IL17RD: variants seen among roughly 807,000 people sequenced by gnomAD.
The protein encoded by IL17RD is interleukin-17 receptor D.
Under a neutral mutation model 80.5 loss-of-function variants are expected in IL17RD, and 52 were observed. That is an observed-to-expected ratio of 0.65 (90% confidence interval 0.52 to 0.81). The LOEUF is 0.81. IL17RD is among the 40% of genes least tolerant of loss of function. IL17RD has a pLI of 0.00. For synonymous variants in IL17RD, 416 were observed against 391.8 expected, an observed-to-expected ratio of 1.06 and a Z score of -0.73; for missense variants, 1,024 against 955.1, an observed-to-expected ratio of 1.07 and a Z score of -0.95.
At chr3:57,140,948 C>T (rs535665237) in intron 1 of IL17RD, among the ~76,000 whole-genome samples, 14 of 151,498 alleles carry the variant, frequency 9.2e-5, no homozygotes, top group African/African-American at 2.9e-4. Flanking sequence ...GGCTGGAGTA[C>T]AGTGGTACAA....
chr3:57,148,324 C>CAAA (rs34343372), intron 1 of IL17RD, among the ~76,000 whole-genome samples: 10 of 104,070 alleles, frequency 9.6e-5, no homozygotes, highest in African/African-American at 3.0e-4. Flanking sequence ...GACTCTATCT[C>CAAA]AAAAAAAAAA....
upstream of IL17RD, among the ~76,000 whole-genome samples, chr3:57,168,326 A>T (rs2060356344): frequency 6.6e-6 from 1 of 152,098 alleles, no homozygotes; most frequent in Admixed American, 6.5e-5. Flanking sequence ...ACACCCACCC[A>T]CTATTGAATT....
intron 1 of IL17RD, among the ~76,000 whole-genome samples, chr3:57,127,199 A>AAT (rs1284226374): frequency 1.6e-4 from 19 of 117,846 alleles, no homozygotes; most frequent in Middle Eastern, 3.8e-3. Context: ...TATATATATA[A>AAT]ATATATATAA....
intron 9 of IL17RD, 64 bp downstream of exon 9, chr3:57,103,025 CAG>C (rs1393371102): frequency 6.3e-6 from 7 of 1,116,596 alleles, no homozygotes; most frequent in Non-Finnish European, 7.9e-6. Context: ...TCATGAAGTA[CAG>C]AGAGTATCAC....
chr3:57,125,423 A>G (rs1255027109), intron 1 of IL17RD, among the ~76,000 whole-genome samples: 3 of 151,970 alleles, frequency 2.0e-5, no homozygotes, highest in Non-Finnish European at 4.4e-5. Flanking sequence ...AAAAAAAAAA[A>G]GTGTTTGAAT....
rs1193340836 is a variant in IL17RD at position 57,114,833 on chromosome 3, A to T, written c.185-16T>A. ...GTGGTACAATCTAGAGAGTAGGGAGAATGAGAACAGTTAAATTTAAAATTT... is the reference window on the plus strand; with the variant it reads ...GTGGTACAATCTAGAGAGTAGGGAGTATGAGAACAGTTAAATTTAAAATTT... On this transcript the variant is annotated splice_polypyrimidine_tract_variant and intron_variant, in intron 2 of 12. Transcript: ENST00000296318. 6.5e-7 allele frequency: 1 copy of T among 1,532,690 alleles called. No individual in the cohort carries two copies. The highest frequency in any genetic ancestry group is 1.2e-5 in the South Asian group (1 of 80,190). The allele number at this position is 1,532,690 out of a possible 1,614,324, so 94.9% of individuals were successfully genotyped here. A position where few individuals can be genotyped will look rare whatever the true frequency, so the allele number is the denominator to read the frequency against.
At chr3:57,111,623 G>C (rs1260743281) in intron 3 of IL17RD, among the ~76,000 whole-genome samples, 1 of 152,088 alleles carries the variant, frequency 6.6e-6, no homozygotes, top group African/African-American at 2.4e-5. Context: ...ACTAGTTAAC[G>C]AAAGCCAAGT....
At chr3:57,149,600 G>C (rs1708014175) in intron 1 of IL17RD, among the ~76,000 whole-genome samples, 1 of 152,212 alleles carries the variant, frequency 6.6e-6, no homozygotes, top group South Asian at 2.1e-4. Flanking sequence ...TTTAAATTAA[G>C]TTTAAGTAAA....
intron 1 of IL17RD, among the ~76,000 whole-genome samples, chr3:57,162,339 T>C (rs779807518): frequency 6.6e-6 from 1 of 152,264 alleles, no homozygotes; most frequent in Non-Finnish European, 1.5e-5. Flanking sequence ...GAAAGCCTCC[T>C]CTGATTTGCA....
chr3:57,162,201 C>T (rs1255818106), intron 1 of IL17RD, among the ~76,000 whole-genome samples: 5 of 152,230 alleles, frequency 3.3e-5, no homozygotes, highest in African/African-American at 1.2e-4. Context: ...GTTCCTGAAA[C>T]AAATGTTGCC....
At chr3:57,103,017 A>G in intron 9 of IL17RD, 74 bp downstream of exon 9, 1 of 1,039,604 alleles carries the variant, frequency 9.6e-7, no homozygotes, top group East Asian at 2.6e-5. Flanking sequence ...TCTGTAAATC[A>G]TGAAGTACAG....
chr3:57,096,433 C>G lies in IL17RD; in HGVS notation c.2180G>C (p.Arg727Pro). 1.2e-6 allele frequency: 2 copies of G among 1,613,914 alleles called. No individual in the cohort carries two copies. The highest frequency in any genetic ancestry group is 1.7e-6 in the Non-Finnish European group (2 of 1,179,810). ...CGCGTGGAGTTCATCAGTGTAGCTG[C>G]GGCAACCAAGATCTGCTTTGCATGA... ...SGSCKADLGC[R>P]SYTDELHAVA... The change falls in exon 13 of 13, where the codon CGC becomes CCC. Residue 727 changes from arginine to proline, a missense_variant. Physicochemically the swap from Arg to Pro is moderately radical, Grantham distance 103. Transcript: ENST00000296318.
intron 1 of IL17RD, among the ~76,000 whole-genome samples, chr3:57,145,166 T>C (rs1707901831): frequency 6.6e-6 from 1 of 152,226 alleles, no homozygotes; most frequent in Non-Finnish European, 1.5e-5. Flanking sequence ...CCTCTGGGAC[T>C]GTCAACACCC....
intron 1 of IL17RD, among the ~76,000 whole-genome samples, chr3:57,160,045 G>C (rs768026813): frequency 5.3e-5 from 8 of 152,170 alleles, no homozygotes; most frequent in Non-Finnish European, 8.8e-5. Context: ...GGTGGTGGAC[G>C]CCTGTAATCC....
chr3:57,096,070 G>GT lies in IL17RD; in HGVS notation c.*322dup. 6.8e-6 allele frequency: 2 copies of GT among 295,620 alleles called. No homozygotes were observed. The highest frequency in any genetic ancestry group is 1.0e-4 in the South Asian group (2 of 19,372). 18.3% of individuals were successfully genotyped at this position (295,620 alleles called of 1,614,324 possible). A position where few individuals can be genotyped will look rare whatever the true frequency, so the allele number is the denominator to read the frequency against. On this transcript the variant is annotated 3_prime_UTR_variant, in exon 13 of 13. Coordinates refer to ENST00000296318, the MANE Select transcript of IL17RD (RefSeq NM_017563.5). ...AATGAAGTCTGAATGATTAGTGCAG[G>GT]TATCTTCCTGTTTTTCTTTACATAT...
At position 57,134,161 on chromosome 3, in the gene IL17RD, G is replaced by A. The variant is rs192991079; in HGVS notation, c.127-13848C>T. 2.4e-4 allele frequency: 155 copies of A among 652,082 alleles called. 2 individuals carry two copies. Among genetic ancestry groups the A allele is most frequent in the Admixed American group, 2.2e-3 (114 of 52,574 alleles). 40.4% of individuals were successfully genotyped at this position (652,082 alleles called of 1,614,324 possible). A position where few individuals can be genotyped will look rare whatever the true frequency, so the allele number is the denominator to read the frequency against. On this transcript the variant is annotated intron_variant, in intron 1 of 12. Transcript: ENST00000296318. Reference sequence around the variant, plus strand: ...ATGAGTATGCTCAGGTTTCAGATGAGGCTCGCCTTTAGTGTCCTCTGCTGT... The same window carrying A: ...ATGAGTATGCTCAGGTTTCAGATGAAGCTCGCCTTTAGTGTCCTCTGCTGT...
intron 1 of IL17RD, among the ~76,000 whole-genome samples, chr3:57,132,462 A>C (rs1707631204): frequency 6.6e-6 from 1 of 152,150 alleles, no homozygotes; most frequent in Non-Finnish European, 1.5e-5. Flanking sequence ...TCTGTCTCAA[A>C]AACAACAACA....
At chr3:57,169,005 G>A (rs1210402208), upstream of IL17RD, among the ~76,000 whole-genome samples, 7 of 152,216 alleles carry the variant, frequency 4.6e-5, no homozygotes, top group African/African-American at 1.2e-4. Context: ...GGCGTGAGCC[G>A]CCGCTCCCAG....
At position 57,102,556 on chromosome 3, in the gene IL17RD, A is replaced by G. The variant is rs751326163; in HGVS notation, c.902T>C (p.Val301Ala). The G allele has an allele frequency of 1.3e-6, 2 of 1,583,166 alleles. No individual in the cohort carries two copies. Among genetic ancestry groups the G allele is most frequent in the Non-Finnish European group, 1.7e-6 (2 of 1,156,476 alleles). Reference protein sequence around the residue: ...HSPWAGPIRAVAITVPLVVIS... With the variant: ...HSPWAGPIRAAAITVPLVVIS... Reference sequence around the variant, plus strand: ...GACTACCAGTGGCACTGTGATGGCCACGGCTCTGATGGGCCCGGCCCACGG... The same window carrying G: ...GACTACCAGTGGCACTGTGATGGCCGCGGCTCTGATGGGCCCGGCCCACGG... Residue 301 changes from valine (V) to alanine (A), a missense_variant, in exon 10 of 13, where the codon GTG becomes GCG. Transcript: ENST00000296318.
Sources: allele counts gnomAD v4.1 joint callset (sites outside exome capture counted in the v4.1 genomes callset), GRCh38; gene constraint gnomAD v4.1.1; transcripts MANE v1.5; gene names NCBI Gene and HGNC (gene_info 2026-07-23, HGNC 2026-07-21).